Variants in SIRT1 observed in about 807,000 individuals in gnomAD.
The protein encoded by SIRT1 is NAD-dependent protein deacetylase sirtuin-1.
A neutral mutation model predicts 67.9 loss-of-function variants in SIRT1; 24 were observed. The ratio of observed to expected loss-of-function variants is 0.35; its 90% CI spans 0.26 to 0.50. The LOEUF is 0.50. SIRT1 is among the 20% of genes least tolerant of loss of function. The pLI, the probability that SIRT1 is intolerant of heterozygous loss-of-function variation, is 0.98. For missense variants in SIRT1, 873 were observed against 937.2 expected (o/e 0.93, Z 0.89); for synonymous variants, 378 against 350.7 (o/e 1.08, Z -0.87).
At chr10:67,899,562 TGATTGCCA>T (rs1259251143) in intron 4 of SIRT1, among the ~76,000 whole-genome samples, 1 of 152,074 alleles carries the variant, frequency 6.6e-6, no homozygotes, top group African/African-American at 2.4e-5. Flanking sequence ...ACTTGATAAA[TGATTGCCA>T]ACAGAATCAA....
intron 8 of SIRT1, among the ~76,000 whole-genome samples, chr10:67,914,336 C>T (rs1842946829): frequency 6.6e-6 from 1 of 152,088 alleles, no homozygotes. Context: ...TCCCAAAGTG[C>T]TGGAATTACA....
chr10:67,887,114 C>T (rs1044927575), intron 1 of SIRT1, among the ~76,000 whole-genome samples: 2 of 124,480 alleles, frequency 1.6e-5, no homozygotes, highest in South Asian at 3.0e-4. Flanking sequence ...TCAGGTGATC[C>T]GCCTGCCTCG....
At chr10:67,915,817 A>G (rs1347021853) in intron 8 of SIRT1, among the ~76,000 whole-genome samples, 2 of 152,218 alleles carry the variant, frequency 1.3e-5, no homozygotes, top group African/African-American at 4.8e-5. Flanking sequence ...TTGGTGAAAT[A>G]ACCTTTATTG....
intron 3 of SIRT1, among the ~76,000 whole-genome samples, chr10:67,889,703 T>C (rs574350576): frequency 3.2e-4 from 48 of 152,346 alleles, no homozygotes; most frequent in African/African-American, 1.1e-3. Context: ...GAGCAACTGC[T>C]GTAGTAAAAT....
At chr10:67,897,608 C>A (rs1456766629) in intron 4 of SIRT1, among the ~76,000 whole-genome samples, 1 of 152,004 alleles carries the variant, frequency 6.6e-6, no homozygotes, top group African/African-American at 2.4e-5. Context: ...GTGATTCACC[C>A]ACCTCTGCCT....
At chr10:67,906,033 A>G in intron 4 of SIRT1, 1 of 738,766 alleles carries the variant, frequency 1.4e-6, no homozygotes, top group East Asian at 3.5e-5. Flanking sequence ...TAGAGAATAA[A>G]CTTCCTTTGC....
rs185468436 is a variant in SIRT1, at chr10:67,916,365, C to T, written c.2016C>T (p.Gly672=). 7 of 1,614,130 alleles carry T rather than the reference C, an allele frequency of 4.3e-6. No homozygotes were observed. The African/African-American group carries it at 6.7e-5, about 15-fold the overall frequency. ...EDDVLSSSSC[G]SNSDSGTCQS... is the part of the protein sequence containing the mutation. ...ACGTCTTATCCTCTAGTTCTTGTGG[C>T]AGTAACAGTGATAGTGGGACATGCC... The change falls in exon 9 of 9, where the codon GGC becomes GGT. Residue 672 remains glycine, a synonymous_variant. Coordinates refer to ENST00000212015, the MANE Select transcript of SIRT1 (RefSeq NM_012238.5).
At chr10:67,897,011 C>T (rs1005406023) in intron 4 of SIRT1, among the ~76,000 whole-genome samples, 9 of 151,838 alleles carry the variant, frequency 5.9e-5, no homozygotes, top group Non-Finnish European at 1.2e-4. Context: ...CAAAAAATAG[C>T]CAGACGTGGT....
chr10:67,910,824 GT>G (rs1159051507), intron 7 of SIRT1, among the ~76,000 whole-genome samples: 5 of 152,126 alleles, frequency 3.3e-5, no homozygotes, highest in South Asian at 4.1e-4. Context: ...TCCTCCTCTA[GT>G]TTAGAATCAG....
intron 7 of SIRT1, among the ~76,000 whole-genome samples, chr10:67,910,643 TG>T (rs1340349080): frequency 6.6e-6 from 1 of 152,186 alleles, no homozygotes; most frequent in South Asian, 2.1e-4. Flanking sequence ...AGATGGAATT[TG>T]GGGGCTCAGA....
intron 7 of SIRT1, among the ~76,000 whole-genome samples, chr10:67,911,436 T>A (rs1842896796): frequency 6.6e-6 from 1 of 151,956 alleles, no homozygotes; most frequent in Admixed American, 6.6e-5. Flanking sequence ...CAAGTGATCC[T>A]TCCTCCTCTG....
At chr10:67,888,246 C>G (rs1321550086) in intron 2 of SIRT1, among the ~76,000 whole-genome samples, 1 of 152,150 alleles carries the variant, frequency 6.6e-6, no homozygotes, top group African/African-American at 2.4e-5. Flanking sequence ...CTCACTCTTA[C>G]AAATGGCTTG....
intron 1 of SIRT1, among the ~76,000 whole-genome samples, chr10:67,886,909 T>G (rs1311746766): frequency 6.6e-6 from 1 of 152,112 alleles, no homozygotes; most frequent in Non-Finnish European, 1.5e-5. Flanking sequence ...TTCGCTCTTG[T>G]TACCCAAGCT....
chr10:67,914,206 A>C (rs1842944941), intron 8 of SIRT1, among the ~76,000 whole-genome samples: 1 of 151,832 alleles, frequency 6.6e-6, no homozygotes, highest in Admixed American at 6.6e-5. Context: ...TGAGTAGCTG[A>C]AATTACAGGC....
chr10:67,905,197 G>A (rs931056752), intron 4 of SIRT1, among the ~76,000 whole-genome samples: 2 of 152,182 alleles, frequency 1.3e-5, no homozygotes, highest in African/African-American at 2.4e-5. Context: ...TATTTCCAGA[G>A]GGAGCTTTAA....
chr10:67,910,928 A>T (rs1182338095), intron 7 of SIRT1, among the ~76,000 whole-genome samples: 1 of 152,128 alleles, frequency 6.6e-6, no homozygotes. Context: ...CTAGCCAGAG[A>T]ATTGAATTAG....
chr10:67,915,198 G>A (rs183158367), intron 8 of SIRT1, among the ~76,000 whole-genome samples: 2 of 152,260 alleles, frequency 1.3e-5, no homozygotes, highest in East Asian at 1.9e-4. Flanking sequence ...GAAAAAGTTC[G>A]AGAGCCACTT....
rs1842828902 is a variant in SIRT1 at position 67,906,956 on chromosome 10, G to A, written c.1090+19G>A. The A allele has an allele frequency of 6.5e-7, 1 of 1,531,248 alleles. No individual in the cohort carries two copies. The highest frequency in any genetic ancestry group is 1.4e-5 in the African/African-American group (1 of 70,256). 94.9% of individuals were successfully genotyped at this position (1,531,248 alleles called of 1,614,324 possible). On this transcript the variant is annotated intron_variant, in intron 5 of 8. Coordinates refer to ENST00000212015, the MANE Select transcript of SIRT1 (RefSeq NM_012238.5). ...TGTCATGGTTAGTAAACTTCAGAGT[G>A]GTTTTCTGTAATTTATTTTAGTTTT...
intron 8 of SIRT1, among the ~76,000 whole-genome samples, chr10:67,914,571 T>C (rs904919132): frequency 1.3e-5 from 2 of 152,240 alleles, no homozygotes; most frequent in Non-Finnish European, 2.9e-5. Flanking sequence ...CACAGTTGTC[T>C]CTAGCGTATA....
Sources: allele counts gnomAD v4.1 joint callset (sites outside exome capture counted in the v4.1 genomes callset), GRCh38; gene constraint gnomAD v4.1.1; transcripts MANE v1.5; gene names NCBI Gene and HGNC (gene_info 2026-07-23, HGNC 2026-07-21).